Variants in DYRK1A observed in about 807,000 individuals in gnomAD.
DYRK1A encodes the protein dual specificity tyrosine-phosphorylation-regulated kinase 1A.
In DYRK1A, 9 loss-of-function variants were observed where a neutral mutation model predicts 79.7. The ratio of observed to expected loss-of-function variants is 0.11; its 90% CI spans 0.07 to 0.20. The LOEUF (loss-of-function observed/expected upper bound fraction) is 0.20. Ranked by LOEUF, DYRK1A falls within the 10% of genes least tolerant of loss-of-function variation. The pLI is 1.00. For missense variants in DYRK1A, 622 were observed against 956.0 expected, an observed-to-expected ratio of 0.65 and a Z score of 4.61; for synonymous variants, 349 against 329.7, an observed-to-expected ratio of 1.06 and a Z score of -0.63.
chr21:37,411,789 T>C (rs1257205997), intron 1 of DYRK1A, among the ~76,000 whole-genome samples: 1 of 152,250 alleles, frequency 6.6e-6, no homozygotes, highest in Non-Finnish European at 1.5e-5. Flanking sequence ...GCAGTTTCTC[T>C]CTTCTGAGAT....
chr21:37,497,493 T>TA (rs1199803151), intron 9 of DYRK1A, among the ~76,000 whole-genome samples: 2 of 152,158 alleles, frequency 1.3e-5, no homozygotes, highest in African/African-American at 4.8e-5. Context: ...ACCAAAAACT[T>TA]AGTCTGGGAA....
At chr21:37,440,429 G>C (rs1242197860) in intron 2 of DYRK1A, among the ~76,000 whole-genome samples, 1 of 151,946 alleles carries the variant, frequency 6.6e-6, no homozygotes, top group East Asian at 1.9e-4. Flanking sequence ...GAGCCACTGC[G>C]CCCAGCTTCA....
rs1245021647 is a variant in DYRK1A, at chr21:37,517,894, GTTAC to G, written c.*5366_*5369del. On this transcript the variant is annotated 3_prime_UTR_variant, in exon 12 of 12. Coordinates refer to ENST00000647188, the MANE Select transcript of DYRK1A (RefSeq NM_001347721.2). Reference sequence around the variant, plus strand: ...ATGAAACGGCTAAGTTTTTTTTAATGTTACTTCTTTAATTTTAGAGACGGTGTCT... The same window carrying G: ...ATGAAACGGCTAAGTTTTTTTTAATGTTCTTTAATTTTAGAGACGGTGTCT... 1 of 152,114 alleles carries G rather than the reference GTTAC, an allele frequency of 6.6e-6. No homozygotes were observed. Among genetic ancestry groups the G allele is most frequent in the African/African-American group, 2.4e-5 (1 of 41,406 alleles). The allele number at this position is 152,114 out of a possible 1,614,324, so 9.4% of individuals were successfully genotyped here.
intron 1 of DYRK1A, among the ~76,000 whole-genome samples, chr21:37,397,978 C>T (rs1055212824): frequency 4.0e-5 from 6 of 151,572 alleles, no homozygotes; most frequent in Non-Finnish European, 8.8e-5. Flanking sequence ...TGGCTCACAC[C>T]TGTAATCCCA....
rs1330538382 is a variant in DYRK1A, at chr21:37,517,267, A to G, written c.*4736A>G. On this transcript the variant is annotated 3_prime_UTR_variant, in exon 12 of 12. Transcript: ENST00000647188. ...GTTCATGATGCAGGACAGAGGAAAC[A>G]AGTGGACAAGACAAGTGGAGCCCAG... 4 of 152,160 alleles carry G rather than the reference A, an allele frequency of 2.6e-5. No individual in the cohort carries two copies. The highest frequency in any genetic ancestry group is 4.8e-5 in the African/African-American group (2 of 41,354). 9.4% of individuals were successfully genotyped at this position (152,160 alleles called of 1,614,324 possible). A position where few individuals can be genotyped will look rare whatever the true frequency, so the allele number is the denominator to read the frequency against.
chr21:37,419,049 G>A (rs1322389728), intron 1 of DYRK1A: 1 of 152,128 alleles, frequency 6.6e-6, no homozygotes, highest in Non-Finnish European at 1.5e-5. Context: ...AATATTTTGA[G>A]GCAATAAGTA....
chr21:37,436,886 A>G (rs148541396), intron 2 of DYRK1A, among the ~76,000 whole-genome samples: 9 of 152,370 alleles, frequency 5.9e-5, no homozygotes, highest in Admixed American at 4.6e-4. Context: ...TTACATAACT[A>G]TATGACATGG....
In DYRK1A at chr21:37,524,794, G is replaced by A. The variant is rs551687635; in HGVS notation, c.*12263G>A. 1 of 152,234 alleles carries A rather than the reference G, an allele frequency of 6.6e-6. No individual in the cohort carries two copies. Among genetic ancestry groups the A allele is most frequent in the African/African-American group, 2.4e-5 (1 of 41,448 alleles). The allele number at this position is 152,234 out of a possible 1,614,324, so 9.4% of individuals were successfully genotyped here. ...TTATGTGGAACAACTACTGGCAAAA[G>A]TATTTTCAAAGCTGAGAAAACTGGT... On this transcript the variant is annotated 3_prime_UTR_variant, in exon 12 of 12. Transcript: ENST00000647188.
At chr21:37,384,271 A>G (rs1264618406) in intron 1 of DYRK1A, among the ~76,000 whole-genome samples, 4 of 152,170 alleles carry the variant, frequency 2.6e-5, no homozygotes, top group Admixed American at 1.3e-4. Flanking sequence ...GGTCCCCTTA[A>G]ATGTTTGATT....
chr21:37,461,744 C>A (rs1159699340), intron 2 of DYRK1A, among the ~76,000 whole-genome samples: 3 of 152,094 alleles, frequency 2.0e-5, no homozygotes, highest in African/African-American at 7.2e-5. Context: ...AGTGGTGACT[C>A]CCCTATATGG....
intron 1 of DYRK1A, among the ~76,000 whole-genome samples, chr21:37,397,701 T>C (rs148748391): frequency 3.9e-5 from 6 of 152,314 alleles, no homozygotes; most frequent in South Asian, 2.1e-4. Context: ...GTTCAAAATA[T>C]AGGTTCAGGC....
intron 8 of DYRK1A, 134 bp from the exon 9 acceptor site, chr21:37,495,984 A>G (rs1037991519): frequency 7.7e-6 from 6 of 774,268 alleles, no homozygotes; most frequent in African/African-American, 7.1e-5. Flanking sequence ...TTTGTTCATT[A>G]CTGTATGCTG....
intron 1 of DYRK1A, among the ~76,000 whole-genome samples, chr21:37,408,519 A>G (rs981952581): frequency 6.6e-6 from 1 of 152,224 alleles, no homozygotes; most frequent in Non-Finnish European, 1.5e-5. Context: ...AATAAACCAG[A>G]GTCATTCCCA....
chr21:37,454,892 A>C (rs2148511030), intron 2 of DYRK1A, among the ~76,000 whole-genome samples: 1 of 152,312 alleles, frequency 6.6e-6, no homozygotes, highest in African/African-American at 2.4e-5. Context: ...AGATTTTAAT[A>C]AGTGAGATTG....
intron 1 of DYRK1A, among the ~76,000 whole-genome samples, chr21:37,417,259 C>T (rs530292742): frequency 3.3e-5 from 5 of 152,112 alleles, no homozygotes; most frequent in South Asian, 4.2e-4. Flanking sequence ...GGCATGATCT[C>T]GGTTCACTGC....
intron 1 of DYRK1A, among the ~76,000 whole-genome samples, chr21:37,394,887 C>T (rs969056156): frequency 3.9e-5 from 6 of 152,158 alleles, no homozygotes; most frequent in Non-Finnish European, 5.9e-5. Flanking sequence ...ATATGTACTT[C>T]GTGAAATCAG....
chr21:37,391,095 G>A (rs992297873), intron 1 of DYRK1A, among the ~76,000 whole-genome samples: 1 of 152,180 alleles, frequency 6.6e-6, no homozygotes, highest in Non-Finnish European at 1.5e-5. Context: ...TATGGATTGT[G>A]CATTTGTTAC....
Position 37,422,545 on chromosome 21 carries a change from G to C in DYRK1A, c.10+2161G>C, listed in dbSNP as rs913136942. Among the ~76,000 whole-genome samples the C allele has an allele frequency of 1.6e-4, 24 of 152,070 alleles. 1 individual carries two copies. The highest frequency in any genetic ancestry group is 3.5e-4 in the Non-Finnish European group (24 of 67,990). On this transcript the variant is annotated intron_variant, in intron 2 of 11. Transcript: ENST00000647188. ...TGGCTTTGTTCTGTTGGTTAGATGTGGTAACTTACTCTCATCTTTTCCTTG... is the reference window on the plus strand; with the variant it reads ...TGGCTTTGTTCTGTTGGTTAGATGTCGTAACTTACTCTCATCTTTTCCTTG...
Position 37,517,143 on chromosome 21 carries a change from G to T in DYRK1A, c.*4612G>T, listed in dbSNP as rs1046196687. Reference sequence around the variant, plus strand: ...CGCTTTTACCAGGTAGCCTGGTTCAGTCCCAGCTGGGTCCTGAAGGAGCAC... The same window carrying T: ...CGCTTTTACCAGGTAGCCTGGTTCATTCCCAGCTGGGTCCTGAAGGAGCAC... On this transcript the variant is annotated 3_prime_UTR_variant, in exon 12 of 12. Transcript: ENST00000647188. 4 of 152,230 alleles carry T rather than the reference G, an allele frequency of 2.6e-5. No homozygotes were observed. The highest frequency in any genetic ancestry group is 9.6e-5 in the African/African-American group (4 of 41,464). 9.4% of individuals were successfully genotyped at this position (152,230 alleles called of 1,614,324 possible). A position where few individuals can be genotyped will look rare whatever the true frequency, so the allele number is the denominator to read the frequency against.
Sources: allele counts gnomAD v4.1 joint callset (sites outside exome capture counted in the v4.1 genomes callset), GRCh38; gene constraint gnomAD v4.1.1; transcripts MANE v1.5; gene names NCBI Gene and HGNC (gene_info 2026-07-23, HGNC 2026-07-21).